The following HS3ST1 variants were observed in gnomAD, a reference collection of about 807,000 sequenced individuals.
HS3ST1 encodes the protein heparan sulfate glucosamine 3-O-sulfotransferase 1.
In HS3ST1, 8 loss-of-function variants were observed where a neutral mutation model predicts 20.7. The observed-to-expected ratio is 0.39, with a 90% CI of 0.23 to 0.70. The LOEUF (loss-of-function observed/expected upper bound fraction) is 0.70, where lower values mean the gene tolerates loss of function less well. HS3ST1 is among the 30% of genes least tolerant of loss of function. HS3ST1 has a pLI of 0.46. For missense variants in HS3ST1, 436 were observed against 423.4 expected (o/e 1.03, Z -0.26); for synonymous variants, 205 against 190.4 (o/e 1.08, Z -0.63).
Position 11,396,702 on chromosome 4 carries a change from A to G in HS3ST1, c.*2380T>C, listed in dbSNP as rs1718154990. 6.6e-6 allele frequency: 1 copy of G among 152,340 alleles called. No individual in the cohort carries two copies. The highest frequency in any genetic ancestry group is 6.5e-5 in the Admixed American group (1 of 15,290). The allele number at this position is 152,340 out of a possible 1,614,324, so 9.4% of individuals were successfully genotyped here. On this transcript the variant is annotated 3_prime_UTR_variant, in exon 2 of 2. Coordinates refer to ENST00000002596, the MANE Select transcript of HS3ST1 (RefSeq NM_005114.4). ...ATGACTGGCTGGGGTTGTACCAAAA[A>G]TGAATGAACAGATAGTGCCACTAGG...
chr4:11,397,744 T>A lies in HS3ST1; in HGVS notation c.*1338A>T, dbSNP rs1271726104. ...TGAGTTCTTAAGTGTAGGAGATGAT[T>A]AATAACGTCCATTTCTGTCATTTTC... On this transcript the variant is annotated 3_prime_UTR_variant, in exon 2 of 2. Transcript: ENST00000002596. 1 of 152,202 alleles carries A rather than the reference T, an allele frequency of 6.6e-6. No homozygotes were observed. The highest frequency in any genetic ancestry group is 1.5e-5 in the Non-Finnish European group (1 of 68,046). The allele number at this position is 152,202 out of a possible 1,614,324, so 9.4% of individuals were successfully genotyped here. A position where few individuals can be genotyped will look rare whatever the true frequency, so the allele number is the denominator to read the frequency against.
chr4:11,415,603 G>A (rs993749182), intron 1 of HS3ST1, among the ~76,000 whole-genome samples: 1 of 152,196 alleles, frequency 6.6e-6, no homozygotes, highest in Non-Finnish European at 1.5e-5. Context: ...AAATTGATGA[G>A]TAAGAAAGAA....
intron 1 of HS3ST1, chr4:11,428,399 G>A (rs1231332802): frequency 2.0e-5 from 3 of 152,318 alleles, no homozygotes; most frequent in Admixed American, 6.5e-5. Flanking sequence ...CGAACCTCAC[G>A]ACTCTGCAGG....
intron 1 of HS3ST1, among the ~76,000 whole-genome samples, chr4:11,420,592 C>T (rs1474771241): frequency 6.6e-6 from 1 of 152,194 alleles, no homozygotes; most frequent in African/African-American, 2.4e-5. Flanking sequence ...GCGGAACGAA[C>T]ACTACGCTGG....
rs539710193 is a variant in HS3ST1, at chr4:11,418,071, T to A, written c.-109+10628A>T. Among the ~76,000 whole-genome samples the A allele has an allele frequency of 6.6e-5, 10 of 152,320 alleles. No homozygotes were observed. In the South Asian group the frequency reaches 2.1e-3, roughly 32 times the overall value. On this transcript the variant is annotated intron_variant, in intron 1 of 1. Transcript: ENST00000002596. ...AATATTCTGGCATTTGAGAAAGATTTTCCTCTGTGATTAAAAGAGAGCCCC... is the reference window on the plus strand; with the variant it reads ...AATATTCTGGCATTTGAGAAAGATTATCCTCTGTGATTAAAAGAGAGCCCC...
At chr4:11,401,044 A>C (rs151203177) in intron 1 of HS3ST1, among the ~76,000 whole-genome samples, 3 of 152,212 alleles carry the variant, frequency 2.0e-5, no homozygotes, top group Admixed American at 6.5e-5. Context: ...GAAATTGGCA[A>C]AAGTTAATTG....
chr4:11,407,054 A>C (rs12651453), intron 1 of HS3ST1, among the ~76,000 whole-genome samples: 54,544 of 152,108 alleles, frequency 0.36, 10,064 homozygotes, highest in Admixed American at 0.44. Context: ...TGTGCCTGTC[A>C]GCCTATGAGA....
intron 1 of HS3ST1, among the ~76,000 whole-genome samples, chr4:11,417,614 G>A (rs1472345518): frequency 6.6e-6 from 1 of 152,134 alleles, no homozygotes; most frequent in East Asian, 1.9e-4. Context: ...TATGAGTAAT[G>A]GAAATCCATG....
intron 1 of HS3ST1, among the ~76,000 whole-genome samples, chr4:11,407,445 T>C (rs1718497263): frequency 6.6e-6 from 1 of 152,148 alleles, no homozygotes; most frequent in African/African-American, 2.4e-5. Flanking sequence ...TTCTCTGAAA[T>C]TGAAGGAAGG....
At chr4:11,416,587 G>A (rs939889571) in intron 1 of HS3ST1, among the ~76,000 whole-genome samples, 4 of 152,166 alleles carry the variant, frequency 2.6e-5, no homozygotes, top group Non-Finnish European at 5.9e-5. Flanking sequence ...ATGAGGGTTG[G>A]TGGCAGGACA....
intron 1 of HS3ST1, among the ~76,000 whole-genome samples, chr4:11,427,680 A>C (rs1456465339): frequency 1.3e-5 from 2 of 152,186 alleles, no homozygotes; most frequent in African/African-American, 2.4e-5. Context: ...GAGCGCCCTG[A>C]GTGTGCGAGG....
At chr4:11,409,484 T>C (rs1444724335) in intron 1 of HS3ST1, among the ~76,000 whole-genome samples, 3 of 152,070 alleles carry the variant, frequency 2.0e-5, no homozygotes, top group African/African-American at 7.2e-5. Context: ...AAGAGGAAGA[T>C]AAAACAGAGC....
chr4:11,417,137 A>G (rs1012786088), intron 1 of HS3ST1, among the ~76,000 whole-genome samples: 7 of 152,184 alleles, frequency 4.6e-5, no homozygotes, highest in South Asian at 2.1e-4. Flanking sequence ...TACTACTTTC[A>G]TTATTTAAAA....
intron 1 of HS3ST1, among the ~76,000 whole-genome samples, chr4:11,415,089 G>A (rs1287323962): frequency 6.6e-6 from 1 of 152,222 alleles, no homozygotes; most frequent in African/African-American, 2.4e-5. Flanking sequence ...GTTGGGATGA[G>A]GAAATTTGGA....
chr4:11,430,097 T>C (rs537716733), upstream of HS3ST1, among the ~76,000 whole-genome samples: 59 of 152,292 alleles, frequency 3.9e-4, no homozygotes, highest in Non-Finnish European at 5.4e-4. Context: ...TATAGGAAAT[T>C]GGCCCTTTAA....
chr4:11,423,171 A>G (rs562646906), intron 1 of HS3ST1, among the ~76,000 whole-genome samples: 3 of 152,186 alleles, frequency 2.0e-5, no homozygotes, highest in African/African-American at 7.2e-5. Context: ...ATGCTGGTCT[A>G]TAATTTCCTT....
chr4:11,431,965 G>T (rs888771071), upstream of HS3ST1, among the ~76,000 whole-genome samples: 1 of 152,148 alleles, frequency 6.6e-6, no homozygotes, highest in South Asian at 2.1e-4. Flanking sequence ...ACCAATATTA[G>T]AGATTATTAG....
intron 1 of HS3ST1, among the ~76,000 whole-genome samples, chr4:11,419,306 A>G (rs1355074606): frequency 6.6e-6 from 1 of 152,068 alleles, no homozygotes; most frequent in African/African-American, 2.4e-5. Context: ...GCTTGCTTGA[A>G]TTATATAAAT....
intron 1 of HS3ST1, among the ~76,000 whole-genome samples, chr4:11,409,648 C>A (rs1464099618): frequency 6.6e-6 from 1 of 152,228 alleles, no homozygotes; most frequent in Non-Finnish European, 1.5e-5. Flanking sequence ...AAATAAATAT[C>A]TATTGTTTAA....
Sources: allele counts gnomAD v4.1 joint callset (sites outside exome capture counted in the v4.1 genomes callset), GRCh38; gene constraint gnomAD v4.1.1; transcripts MANE v1.5; gene names NCBI Gene and HGNC (gene_info 2026-07-23, HGNC 2026-07-21).